ASIP: variants seen among roughly 807,000 people sequenced by gnomAD.
ASIP encodes agouti signaling protein.
In ASIP, 11 loss-of-function variants were observed where a neutral mutation model predicts 10.3. That is an observed-to-expected ratio of 1.07 (90% CI 0.68 to 1.78). The LOEUF (loss-of-function observed/expected upper bound fraction) is 1.78, where lower values mean the gene tolerates loss of function less well. Among genes scored for constraint, ASIP ranks in the 40% most tolerant of loss-of-function variants. The probability of loss-of-function intolerance (pLI) is 0.00; values close to 1 mark genes in which losing one functional copy is unlikely to be tolerated. For synonymous variants in ASIP, 70 were observed against 70.8 expected (o/e 0.99, Z 0.06); for missense variants, 180 against 169.2 (o/e 1.06, Z -0.35).
At chr20:34,257,141 T>G (rs1423660351) in intron 1 of ASIP, among the ~76,000 whole-genome samples, 1 of 151,458 alleles carries the variant, frequency 6.6e-6, no homozygotes, top group Non-Finnish European at 1.5e-5. Flanking sequence ...TGGAGTGAAG[T>G]GGTACGATCT....
At chr20:34,202,014 A>G (rs1416517016) in intron 1 of ASIP, among the ~76,000 whole-genome samples, 1 of 152,008 alleles carries the variant, frequency 6.6e-6, no homozygotes, top group African/African-American at 2.4e-5. Context: ...ATTTTGTTCT[A>G]TTGAACTGTC....
chr20:34,251,874 G>A (rs977809112), intron 1 of ASIP, among the ~76,000 whole-genome samples: 4 of 152,066 alleles, frequency 2.6e-5, no homozygotes, highest in African/African-American at 4.8e-5. Flanking sequence ...ACTAGATATC[G>A]AATCTGCCTG....
chr20:34,214,961 A>G, intron 1 of ASIP: 2 of 1,396,704 alleles, frequency 1.4e-6, no homozygotes, highest in Non-Finnish European at 2.0e-6. Context: ...CTAACTATCC[A>G]TGACTGTCCC....
At chr20:34,219,940 A>T (rs1601576677) in intron 1 of ASIP, among the ~76,000 whole-genome samples, 2 of 152,268 alleles carry the variant, frequency 1.3e-5, no homozygotes, top group East Asian at 3.9e-4. Flanking sequence ...ATACAAAAAA[A>T]TTAGCTGGGC....
chr20:34,260,301 G>A (rs1190944743), intron 1 of ASIP, 64 bp from the exon 2 acceptor site: 10 of 1,485,060 alleles, frequency 6.7e-6, no homozygotes, highest in Non-Finnish European at 9.1e-6. Flanking sequence ...CACAAAGAAA[G>A]CAGGAAGGCC....
intron 1 of ASIP, among the ~76,000 whole-genome samples, chr20:34,201,060 C>CTTTCTTTCTTTCT (rs1568744601): frequency 3.7e-4 from 35 of 94,144 alleles, no homozygotes; most frequent in Non-Finnish European, 7.3e-4. Context: ...TTCTTTCTTT[C>CTTTCTTTCTTTCT]TTTTTTTTCC....
chr20:34,201,060 C>CTTT (rs757662623), intron 1 of ASIP, among the ~76,000 whole-genome samples: 1 of 94,042 alleles, frequency 1.1e-5, no homozygotes. Context: ...TTCTTTCTTT[C>CTTT]TTTTTTTTCC....
intron 1 of ASIP, among the ~76,000 whole-genome samples, chr20:34,235,899 AAAGGAAGG>A (rs1241208934): frequency 6.2e-5 from 4 of 64,600 alleles, no homozygotes; most frequent in Non-Finnish European, 1.0e-4. Context: ...GGAAGGAAGG[AAAGGAAGG>A]AAGGAAGGAA....
At chr20:34,258,127 G>C (rs2035605008) in intron 1 of ASIP, among the ~76,000 whole-genome samples, 1 of 151,580 alleles carries the variant, frequency 6.6e-6, no homozygotes, top group Non-Finnish European at 1.5e-5. Flanking sequence ...CTGGGCAACA[G>C]AGTGAGATTC....
At chr20:34,189,735 C>A (rs1373768881), upstream of ASIP, among the ~76,000 whole-genome samples, 3 of 152,180 alleles carry the variant, frequency 2.0e-5, no homozygotes, top group African/African-American at 7.2e-5. Context: ...AAAGGAGTCA[C>A]CTCATTGCAT....
intron 1 of ASIP, among the ~76,000 whole-genome samples, chr20:34,205,845 A>G (rs1247780013): frequency 6.6e-6 from 1 of 151,522 alleles, no homozygotes; most frequent in Admixed American, 6.6e-5. Flanking sequence ...TGGTGCATTT[A>G]CAAACCTTTA....
upstream of ASIP, among the ~76,000 whole-genome samples, chr20:34,236,899 A>G (rs1462507244): frequency 6.6e-6 from 1 of 152,126 alleles, no homozygotes; most frequent in Non-Finnish European, 1.5e-5. Context: ...GTTAGGTAAG[A>G]GTCTAACTTC....
rs932609633 is a variant in ASIP at position 34,269,175 on chromosome 20, C to A, written c.*8C>A. On this transcript the variant is annotated 3_prime_UTR_variant, in exon 4 of 4. Transcript: ENST00000374954. ...CTCAGCCTCAACTGCTGAGCGCCCC[C>A]ACTCCCGGCCGCGAGCAGGCAGGGC... 2.7e-6 allele frequency: 4 copies of A among 1,498,410 alleles called. No homozygotes were observed. The highest frequency in any genetic ancestry group is 1.4e-5 in the African/African-American group (1 of 69,088). 92.8% of individuals were successfully genotyped at this position (1,498,410 alleles called of 1,614,324 possible).
At chr20:34,245,850 A>G in intron 1 of ASIP, 1 of 789,552 alleles carries the variant, frequency 1.3e-6, no homozygotes, top group African/African-American at 1.9e-5. Flanking sequence ...GAATATATAT[A>G]TATTCTACAG....
intron 1 of ASIP, among the ~76,000 whole-genome samples, chr20:34,196,327 C>T (rs1436924525): frequency 6.6e-6 from 1 of 151,802 alleles, no homozygotes; most frequent in East Asian, 1.9e-4. Context: ...GCGCCCGCCA[C>T]CACGCCCAGC....
chr20:34,260,448 C>A lies in ASIP; in HGVS notation c.74C>A (p.Pro25Gln). The change falls in exon 2 of 4, where the codon CCA (proline) becomes CAA (glutamine). Residue 25 changes from proline (P) to glutamine (Q), a missense_variant. Physicochemically the swap from Pro to Gln is moderately conservative, Grantham distance 76 (BLOSUM62 -1). Transcript: ENST00000374954. ...TTCTTCACTGCCAACAGCCACCTGCCACCTGAGGAGAAGCTCCGAGATGAC... is the reference window on the plus strand; with the variant it reads ...TTCTTCACTGCCAACAGCCACCTGCAACCTGAGGAGAAGCTCCGAGATGAC... ...LCFFTANSHL[P>Q]PEEKLRDDRS... 2 of 1,614,172 alleles carry A rather than the reference C, an allele frequency of 1.2e-6. No homozygotes were observed. Among genetic ancestry groups the A allele is most frequent in the Non-Finnish European group, 8.5e-7 (1 of 1,180,002 alleles).
intron 2 of ASIP, among the ~76,000 whole-genome samples, chr20:34,260,777 C>T (rs1292794236): frequency 1.3e-5 from 2 of 152,230 alleles, no homozygotes; most frequent in Non-Finnish European, 2.9e-5. Flanking sequence ...AGTTAAGACA[C>T]TTGGTGAACT....
chr20:34,207,981 G>A (rs886546251), intron 1 of ASIP, among the ~76,000 whole-genome samples: 21 of 151,876 alleles, frequency 1.4e-4, no homozygotes, highest in African/African-American at 3.1e-4. Context: ...AGTAGAGACC[G>A]GGTTTCACCA....
At chr20:34,196,696 C>T (rs2034859753) in intron 1 of ASIP, among the ~76,000 whole-genome samples, 1 of 152,126 alleles carries the variant, frequency 6.6e-6, no homozygotes, top group Admixed American at 6.5e-5. Context: ...GTAATTAGTT[C>T]CCATACCTGC....
Sources: gnomAD v4.1 joint callset for allele counts (sites outside exome capture counted in the v4.1 genomes callset) on GRCh38, gnomAD v4.1.1 for gene constraint, MANE v1.5 for transcripts, NCBI Gene and HGNC (gene_info 2026-07-23, HGNC 2026-07-21) for gene names.